Variants in CHSY1 observed in about 807,000 individuals in gnomAD.
CHSY1 encodes the protein chondroitin sulfate synthase 1.
In CHSY1, 13 loss-of-function variants were observed where a neutral mutation model predicts 59.8. The observed-to-expected ratio is 0.22, with a 90% CI of 0.14 to 0.35. The LOEUF (loss-of-function observed/expected upper bound fraction) is 0.35. CHSY1 is among the 10% of genes least tolerant of loss of function. The pLI is 1.00. For missense variants in CHSY1, 947 were observed against 1,030.6 expected (o/e 0.92, Z 1.11); for synonymous variants, 459 against 401.2 (o/e 1.14, Z -1.72).
At chr15:101,214,330 G>GT (rs1253026303) in intron 2 of CHSY1, among the ~76,000 whole-genome samples, 1 of 152,200 alleles carries the variant, frequency 6.6e-6, no homozygotes, top group African/African-American at 2.4e-5. Context: ...CAGGGCCTGT[G>GT]TAAGATGCAA....
At chr15:101,234,967 TACCA>T in intron 2 of CHSY1, 111 bp downstream of exon 2, 2 of 1,360,186 alleles carry the variant, frequency 1.5e-6, no homozygotes, top group Non-Finnish European at 2.1e-6. Context: ...TGTAGAATAA[TACCA>T]ACTTCAACCC....
At chr15:101,236,374 G>C (rs2038942621) in intron 1 of CHSY1, among the ~76,000 whole-genome samples, 1 of 152,206 alleles carries the variant, frequency 6.6e-6, no homozygotes, top group Admixed American at 6.5e-5. Flanking sequence ...TCATGGTCAG[G>C]AGTGAGTCTC....
intron 1 of CHSY1, among the ~76,000 whole-genome samples, chr15:101,250,820 C>T (rs2039100496): frequency 6.6e-6 from 1 of 152,308 alleles, no homozygotes; most frequent in South Asian, 2.1e-4. Flanking sequence ...ATGAGGGAGA[C>T]CCGATCTGTC....
rs766495251 is a variant in CHSY1, at chr15:101,178,394, C to T, written c.1403G>A (p.Arg468Lys). ...HKGKKMTVPV[R>K]RHAYLQQTFS... Reference sequence around the variant, plus strand: ...AGTCTGCTGTAAATACGCGTGCCTCCTCACAGGGACCGTCATTTTCTTCCC... The same window carrying T: ...AGTCTGCTGTAAATACGCGTGCCTCTTCACAGGGACCGTCATTTTCTTCCC... The change falls in exon 3 of 3, where the codon AGG (arginine) becomes AAG (lysine). Residue 468 changes from arginine to lysine, a missense_variant. Arg to Lys is a conservative substitution (Grantham distance 26). Transcript: ENST00000254190. 1 of 1,612,036 alleles carries T rather than the reference C, an allele frequency of 6.2e-7. No individual in the cohort carries two copies. The highest frequency in any genetic ancestry group is 8.5e-7 in the Non-Finnish European group (1 of 1,178,284).
intron 2 of CHSY1, among the ~76,000 whole-genome samples, chr15:101,231,033 G>A (rs2038887567): frequency 6.6e-6 from 1 of 152,164 alleles, no homozygotes; most frequent in Non-Finnish European, 1.5e-5. Context: ...AGTTCCATGT[G>A]TGCCCAGATA....
At chr15:101,198,124 T>C (rs560772155) in intron 2 of CHSY1, among the ~76,000 whole-genome samples, 3 of 151,616 alleles carry the variant, frequency 2.0e-5, no homozygotes, top group East Asian at 1.9e-4. Context: ...CCAAGCAGAG[T>C]GTGAGTGAGA....
At chr15:101,187,327 A>C (rs1373690873) in intron 2 of CHSY1, among the ~76,000 whole-genome samples, 2 of 152,162 alleles carry the variant, frequency 1.3e-5, no homozygotes, top group Non-Finnish European at 2.9e-5. Context: ...AAAATTACAA[A>C]AATTAGCCAG....
chr15:101,246,851 T>C (rs528778236), intron 1 of CHSY1, among the ~76,000 whole-genome samples: 1 of 150,146 alleles, frequency 6.7e-6, no homozygotes, highest in South Asian at 2.1e-4. Flanking sequence ...CCCTTCCATA[T>C]ATCACAGAAC....
intron 2 of CHSY1, among the ~76,000 whole-genome samples, chr15:101,200,983 A>C (rs2038568189): frequency 6.6e-6 from 1 of 152,086 alleles, no homozygotes; most frequent in African/African-American, 2.4e-5. Context: ...ACCCTGGGTA[A>C]ATCCTGTCCC....
intron 2 of CHSY1, among the ~76,000 whole-genome samples, chr15:101,180,208 A>C (rs1345998600): frequency 6.6e-6 from 1 of 152,244 alleles, no homozygotes; most frequent in African/African-American, 2.4e-5. Context: ...GGTAAAAAGT[A>C]AACAGGGAGC....
At chr15:101,203,010 G>GTTTATA (rs2038589042) in intron 2 of CHSY1, among the ~76,000 whole-genome samples, 2 of 152,184 alleles carry the variant, frequency 1.3e-5, no homozygotes, top group Admixed American at 1.3e-4. Context: ...AACATTACTA[G>GTTTATA]TGCTGGTTAG....
Position 101,178,363 on chromosome 15 carries a change from G to A in CHSY1, c.1434C>T (p.Ser478=). 1.2e-6 allele frequency: 2 copies of A among 1,608,088 alleles called. No homozygotes were observed. Among genetic ancestry groups the A allele is most frequent in the Non-Finnish European group, 8.5e-7 (1 of 1,175,160 alleles). Residue 478 remains serine (S), a synonymous_variant, in exon 3 of 3, where the codon AGC becomes AGT. Coordinates refer to ENST00000254190, the MANE Select transcript of CHSY1 (RefSeq NM_014918.5). The part of the protein sequence containing the change: ...RRHAYLQQTF[S]KIQFVEHEEL... ...CCTCATGCTCCACAAACTGGATTTT[G>A]CTGAAAGTCTGCTGTAAATACGCGT...
In CHSY1 at chr15:101,189,431, G is replaced by C. The variant is rs574841700; in HGVS notation, c.817-10451C>G. On this transcript the variant is annotated intron_variant, in intron 2 of 2. Coordinates refer to ENST00000254190, the MANE Select transcript of CHSY1 (RefSeq NM_014918.5). ...ATAAAATTAAAAACAAACTTACAGG[G>C]ACAAGGTGGATGTAAGCCAGAAGGG... 10 of 985,538 alleles carry C rather than the reference G, an allele frequency of 1.0e-5. No individual in the cohort carries two copies. In the South Asian group the frequency reaches 4.7e-4, roughly 46 times the overall value. The allele number at this position is 985,538 out of a possible 1,614,324, so 61.0% of individuals were successfully genotyped here. A position where few individuals can be genotyped will look rare whatever the true frequency, so the allele number is the denominator to read the frequency against.
intron 2 of CHSY1, among the ~76,000 whole-genome samples, chr15:101,191,398 G>C (rs2038443009): frequency 6.6e-6 from 1 of 152,190 alleles, no homozygotes; most frequent in Non-Finnish European, 1.5e-5. Flanking sequence ...AAAAAGATGA[G>C]TGGTTGCCAG....
chr15:101,186,999 C>A (rs920271162), intron 2 of CHSY1, among the ~76,000 whole-genome samples: 4 of 152,190 alleles, frequency 2.6e-5, no homozygotes, highest in African/African-American at 9.7e-5. Context: ...ATGGCTGAAG[C>A]TGCAGCAATA....
chr15:101,244,279 G>A (rs1382544282), intron 1 of CHSY1, among the ~76,000 whole-genome samples: 1 of 152,186 alleles, frequency 6.6e-6, no homozygotes, highest in Admixed American at 6.5e-5. Context: ...CACTGAAAAT[G>A]CTGCCACCAG....
chr15:101,235,485 C>T lies in CHSY1; in HGVS notation c.413G>A (p.Gly138Asp). Residue 138 changes from glycine (G) to aspartate (D), a missense_variant, in exon 2 of 3, where the codon GGT (glycine) becomes GAT (aspartate). Gly to Asp is a moderately conservative substitution (Grantham distance 94). This residue lies in a region of CHSY1 where 232 missense variants were observed against 188.5 expected (regional missense o/e 1.23). Coordinates refer to ENST00000254190, the MANE Select transcript of CHSY1 (RefSeq NM_014918.5). ...SVPIPVVPLR[G>D]VDDSYPPQKK... ...CTGGGGCGGGTAGGAGTCGTCCACA[C>T]CCCGTAGTGGCACTACTGGAATTGG... The T allele has an allele frequency of 3.7e-6, 6 of 1,614,114 alleles. 1 individual carries two copies. Among genetic ancestry groups the T allele is most frequent in the Non-Finnish European group, 5.1e-6 (6 of 1,179,978 alleles).
chr15:101,179,521 G>A (rs954058145), intron 2 of CHSY1, among the ~76,000 whole-genome samples: 1 of 152,212 alleles, frequency 6.6e-6, no homozygotes, highest in East Asian at 1.9e-4. Context: ...CTGGCCCTGC[G>A]AGGATGCTGC....
At chr15:101,207,150 T>C (rs1371026095) in intron 2 of CHSY1, among the ~76,000 whole-genome samples, 1 of 152,232 alleles carries the variant, frequency 6.6e-6, no homozygotes. Context: ...GGGTCTACTC[T>C]TGACAAATGT....
Sources: gnomAD v4.1 joint callset for allele counts (sites outside exome capture counted in the v4.1 genomes callset) on GRCh38, gnomAD v4.1.1 for gene constraint, gnomAD v4.1.1 regional missense constraint, MANE v1.5 for transcripts, NCBI Gene and HGNC (gene_info 2026-07-23, HGNC 2026-07-21) for gene names.